Variants in THSD7B observed in about 807,000 individuals in gnomAD.
The protein encoded by THSD7B is thrombospondin type 1 domain containing 7B.
THSD7B carries 138 observed loss-of-function variants against 213.6 expected under a neutral mutation model. That is an observed-to-expected ratio of 0.65 (90% CI 0.56 to 0.74). The LOEUF is 0.74. Ranked by LOEUF, THSD7B falls within the 30% of genes least tolerant of loss-of-function variation. The pLI is 0.00. For synonymous variants in THSD7B, 742 were observed against 687.0 expected (o/e 1.08, Z -1.25); for missense variants, 1,931 against 1,991.5 (o/e 0.97, Z 0.58).
At chr2:136,928,945 A>G (rs1050664935) in intron 2 of THSD7B, among the ~76,000 whole-genome samples, 2 of 152,202 alleles carry the variant, frequency 1.3e-5, no homozygotes, top group Non-Finnish European at 2.9e-5. Context: ...GAGCTAAAAA[A>G]TATTACCAGA....
intron 2 of THSD7B, among the ~76,000 whole-genome samples, chr2:137,036,922 A>G (rs1233571063): frequency 6.6e-6 from 1 of 152,118 alleles, no homozygotes; most frequent in African/African-American, 2.4e-5. Context: ...TTTCTTCTGA[A>G]ACCTTGCTCA....
At chr2:137,601,431 T>C (rs11884680) in intron 17 of THSD7B, among the ~76,000 whole-genome samples, 1 of 152,206 alleles carries the variant, frequency 6.6e-6, no homozygotes, top group South Asian at 2.1e-4. Flanking sequence ...AATACCATTG[T>C]GTTGTAATTA....
intron 2 of THSD7B, among the ~76,000 whole-genome samples, chr2:137,002,190 G>A (rs577011589): frequency 1.3e-5 from 2 of 152,158 alleles, no homozygotes; most frequent in South Asian, 2.1e-4. Flanking sequence ...TCCCCTCCTT[G>A]AAGTTCCTCC....
chr2:137,516,705 A>G (rs1401535851), intron 15 of THSD7B, among the ~76,000 whole-genome samples: 4 of 98,384 alleles, frequency 4.1e-5, no homozygotes, highest in African/African-American at 2.0e-4. Context: ...AGAATGCATA[A>G]TTGCCATTGA....
At chr2:137,085,694 T>A (rs1322181072) in intron 3 of THSD7B, among the ~76,000 whole-genome samples, 1 of 152,000 alleles carries the variant, frequency 6.6e-6, no homozygotes, top group African/African-American at 2.4e-5. Context: ...ACACCATACA[T>A]GAAAATGAAT....
At chr2:137,379,054 G>A (rs773531718) in intron 12 of THSD7B, among the ~76,000 whole-genome samples, 2 of 152,130 alleles carry the variant, frequency 1.3e-5, no homozygotes, top group South Asian at 4.1e-4. Flanking sequence ...AGCTGGGAAC[G>A]CAGAGGGCTA....
chr2:137,584,424 G>T (rs966334214), intron 17 of THSD7B, among the ~76,000 whole-genome samples: 3 of 152,182 alleles, frequency 2.0e-5, no homozygotes, highest in Non-Finnish European at 4.4e-5. Context: ...AGTTTTCAAA[G>T]GGAATGCTTC....
intron 15 of THSD7B, among the ~76,000 whole-genome samples, chr2:137,502,148 AG>A (rs1231567098): frequency 6.6e-6 from 1 of 152,012 alleles, no homozygotes; most frequent in Non-Finnish European, 1.5e-5. Context: ...CTGTGCATTG[AG>A]GATAACATCC....
At chr2:137,248,194 T>C (rs887319379) in intron 10 of THSD7B, among the ~76,000 whole-genome samples, 4 of 152,162 alleles carry the variant, frequency 2.6e-5, no homozygotes, top group African/African-American at 9.7e-5. Context: ...TATTAGATGA[T>C]AATGATGATG....
chr2:137,623,595 A>C (rs530410370), intron 20 of THSD7B, among the ~76,000 whole-genome samples: 127 of 152,332 alleles, frequency 8.3e-4, no homozygotes, highest in African/African-American at 3.0e-3. Context: ...ATCTCAGCCC[A>C]AAATCTCCTT....
intron 15 of THSD7B, among the ~76,000 whole-genome samples, chr2:137,492,552 A>G (rs1679443376): frequency 6.6e-6 from 1 of 152,198 alleles, no homozygotes; most frequent in South Asian, 2.1e-4. Context: ...CTGTAATTCA[A>G]GGTTAGTAAA....
intron 4 of THSD7B, among the ~76,000 whole-genome samples, chr2:137,109,337 C>T (rs187232471): frequency 1.3e-5 from 2 of 152,326 alleles, no homozygotes; most frequent in Admixed American, 1.3e-4. Flanking sequence ...AGTGTTCAAG[C>T]TTTCTGGTAC....
chr2:136,971,154 G>T (rs1685397346), intron 2 of THSD7B, among the ~76,000 whole-genome samples: 1 of 152,102 alleles, frequency 6.6e-6, no homozygotes, highest in Admixed American at 6.6e-5. Context: ...TCTGTGATGG[G>T]CGGTTATAGA....
At chr2:136,864,654 A>G (rs530472662) in intron 1 of THSD7B, among the ~76,000 whole-genome samples, 124 of 151,906 alleles carry the variant, frequency 8.2e-4, no homozygotes, top group Middle Eastern at 3.4e-3. Flanking sequence ...CCAGGTTCAC[A>G]TCATTCTCCT....
chr2:137,300,377 T>C (rs1683571224), intron 12 of THSD7B, among the ~76,000 whole-genome samples: 1 of 152,172 alleles, frequency 6.6e-6, no homozygotes, highest in Non-Finnish European at 1.5e-5. Context: ...TCCTTCCTTC[T>C]TGTCTTCCTT....
chr2:136,833,532 G>A (rs1268959681), intron 1 of THSD7B, among the ~76,000 whole-genome samples: 1 of 148,720 alleles, frequency 6.7e-6, no homozygotes, highest in Admixed American at 6.8e-5. Flanking sequence ...TCTGCTGGGC[G>A]AACTATGAAG....
chr2:137,176,095 T>TA (rs1289426185), intron 7 of THSD7B, among the ~76,000 whole-genome samples: 1 of 152,174 alleles, frequency 6.6e-6, no homozygotes, highest in African/African-American at 2.4e-5. Context: ...TAATATTTAT[T>TA]TTCTTGTATT....
intron 6 of THSD7B, among the ~76,000 whole-genome samples, chr2:137,167,226 CAG>C (rs1421264635): frequency 2.0e-5 from 3 of 151,584 alleles, no homozygotes; most frequent in African/African-American, 7.3e-5. Flanking sequence ...TTTTCTGAGA[CAG>C]AGTCTCACTC....
chr2:136,998,947 CA>C (rs1558882033), intron 2 of THSD7B, among the ~76,000 whole-genome samples: 12 of 150,480 alleles, frequency 8.0e-5, no homozygotes, highest in South Asian at 4.2e-4. Flanking sequence ...CACACACACA[CA>C]CACACACACA....
Sources: gnomAD v4.1 joint callset for allele counts (sites outside exome capture counted in the v4.1 genomes callset) on GRCh38, gnomAD v4.1.1 for gene constraint, MANE v1.5 for transcripts, NCBI Gene and HGNC (gene_info 2026-07-23, HGNC 2026-07-21) for gene names.